DNAH2: variants seen among roughly 807,000 people sequenced by gnomAD.
The protein encoded by DNAH2 is axonemal beta dynein heavy chain 2.
In DNAH2, 323 loss-of-function variants were observed where a neutral mutation model predicts 523.5. That is an observed-to-expected ratio of 0.62 (90% CI 0.56 to 0.68). DNAH2 has a LOEUF of 0.68. Ranked by LOEUF, DNAH2 falls within the 30% of genes least tolerant of loss-of-function variation. The pLI is 0.00. For synonymous variants in DNAH2, 2,093 were observed against 2,177.4 expected (o/e 0.96, Z 1.08); for missense variants, 4,907 against 5,701.5 (o/e 0.86, Z 4.49).
intron 63 of DNAH2, among the ~76,000 whole-genome samples, chr17:7,812,262 T>C (rs1195113808): frequency 6.6e-6 from 1 of 152,300 alleles, no homozygotes; most frequent in East Asian, 1.9e-4. Context: ...GTATACATTC[T>C]TTTCTTAGGG....
At position 7,821,117 on chromosome 17, in the gene DNAH2, G is replaced by C. The variant is rs532905783; in HGVS notation, c.11016-126G>C. On this transcript the variant is annotated intron_variant, in intron 72 of 85. Transcript: ENST00000572933. The surrounding 1 kb of genome is among the most constrained non-coding windows in gnomAD (Gnocchi z 5.0). ...CCTGAGTCCTCAGCTGTTTCCAGGA[G>C]GTTAGGATTAGAGGCTGGTGAGGTC... 1.5e-6 allele frequency: 2 copies of C among 1,344,626 alleles called. No homozygotes were observed. Among genetic ancestry groups the C allele is most frequent in the South Asian group, 3.1e-5 (2 of 63,896 alleles). The allele number at this position is 1,344,626 out of a possible 1,614,324, so 83.3% of individuals were successfully genotyped here. A position where few individuals can be genotyped will look rare whatever the true frequency, so the allele number is the denominator to read the frequency against.
Position 7,780,147 on chromosome 17 carries a change from T to G in DNAH2, c.5723-10T>G, listed in dbSNP as rs768065089. On this transcript the variant is annotated splice_polypyrimidine_tract_variant and intron_variant, in intron 36 of 85. Transcript: ENST00000572933. The surrounding 1 kb of genome is among the most constrained non-coding windows in gnomAD (Gnocchi z 4.4). ...ATATATGATTCTAAGCAAGTGGCAT[T>G]GTTTTCCAGGCTATGCTGGCCGCAC... The G allele has an allele frequency of 2.1e-5, 33 of 1,602,206 alleles. No homozygotes were observed. Among genetic ancestry groups the G allele is most frequent in the Non-Finnish European group, 2.8e-5 (33 of 1,175,316 alleles).
At chr17:7,742,605 A>G (rs2075385011) in intron 11 of DNAH2, among the ~76,000 whole-genome samples, 1 of 152,126 alleles carries the variant, frequency 6.6e-6, no homozygotes, top group Non-Finnish European at 1.5e-5. Flanking sequence ...AAGGGCTGAT[A>G]CTGGTTTTCA....
intron 12 of DNAH2, among the ~76,000 whole-genome samples, chr17:7,744,208 C>T (rs1457733537): frequency 2.7e-5 from 4 of 150,064 alleles, no homozygotes; most frequent in African/African-American, 4.9e-5. Flanking sequence ...GCAGGAAAAT[C>T]GCTTGAACCC....
intron 78 of DNAH2, 65 bp from the exon 79 acceptor site, chr17:7,830,593 A>G (rs2078143457): frequency 1.3e-5 from 21 of 1,608,598 alleles, no homozygotes; most frequent in Non-Finnish European, 1.8e-5. Context: ...CCTGTGTTGA[A>G]GCCCCATTGG....
intron 28 of DNAH2, among the ~76,000 whole-genome samples, chr17:7,772,186 A>G (rs187282024): frequency 2.0e-5 from 3 of 152,246 alleles, no homozygotes; most frequent in Admixed American, 2.0e-4. Context: ...GGCACCTAGA[A>G]TGGGCATCCT....
intron 28 of DNAH2, 150 bp from the exon 29 acceptor site, chr17:7,774,609 A>G (rs4791759): frequency 0.91 from 572,081 of 631,994 alleles, 261,583 homozygotes; most frequent in Non-Finnish European, 0.95. Context: ...CATGTTAGAC[A>G]GTCTGGGGAT....
rs1555540639 is a variant in DNAH2, at chr17:7,741,236, C to CTTTCTT, written c.1689+245_1689+246insTTCTTT. Among the ~76,000 whole-genome samples, 284 of 85,624 alleles carry CTTTCTT rather than the reference C, an allele frequency of 3.3e-3. 10 individuals are homozygous for CTTTCTT. The highest frequency in any genetic ancestry group is 0.012 in the Middle Eastern group (2 of 164). The allele number at this position is 85,624 out of a possible 152,430, so 56.2% of individuals were successfully genotyped here. A position where few individuals can be genotyped will look rare whatever the true frequency, so the allele number is the denominator to read the frequency against. ...TCCTTCCTTTCTTTTTTTTCTCTCT[C>CTTTCTT]TCTTTCTTTCTTTCTTTCTTTCTTT... On this transcript the variant is annotated intron_variant, in intron 11 of 85. Transcript: ENST00000572933.
rs1259705037 is a variant in DNAH2 at position 7,828,685 on chromosome 17, C to T, written c.11854-1615C>T. On this transcript the variant is annotated intron_variant, in intron 77 of 85. Transcript: ENST00000572933. The surrounding 1 kb of genome is among the most constrained non-coding windows in gnomAD (Gnocchi z 4.1). ...TCTCAAACTCCTAGGCTCAAGTGAT[C>T]CTCCCATCTTGGCCTCCCAAAGTGC... is the stretch of plus-strand genomic sequence containing the variant. Among the ~76,000 whole-genome samples the T allele has an allele frequency of 6.6e-6, 1 of 151,998 alleles. No homozygotes were observed. Among genetic ancestry groups the T allele is most frequent in the Non-Finnish European group, 1.5e-5 (1 of 68,026 alleles).
chr17:7,832,947 T>C lies in DNAH2; in HGVS notation c.12978+19T>C, dbSNP rs1291174485. On this transcript the variant is annotated intron_variant, in intron 84 of 85. Coordinates refer to ENST00000572933, the MANE Select transcript of DNAH2 (RefSeq NM_020877.5). The surrounding 1 kb of genome is among the most constrained non-coding windows in gnomAD (Gnocchi z 4.3). ...CCCCAAGGTGGGAGCCAGTTGTGCT[T>C]GGGGCTCTGAGCAAAAGAGGGTACT... 1.2e-6 allele frequency: 2 copies of C among 1,614,098 alleles called. No homozygotes were observed. Among genetic ancestry groups the C allele is most frequent in the Admixed American group, 3.3e-5 (2 of 60,016 alleles).
intron 7 of DNAH2, among the ~76,000 whole-genome samples, chr17:7,736,607 C>T (rs1280130689): frequency 6.6e-6 from 1 of 152,188 alleles, no homozygotes. Flanking sequence ...CTCACAGAGA[C>T]CTGAAATGAT....
At position 7,798,672 on chromosome 17, in the gene DNAH2, G is replaced by A. The variant is rs1218668247; in HGVS notation, c.8513G>A (p.Ser2838Asn). Residue 2838 changes from serine to asparagine, a missense_variant, in exon 55 of 86, where the codon AGC (serine) becomes AAC (asparagine). This residue lies in a region of DNAH2 where 1,851 missense variants were observed against 2,139.4 expected (regional missense o/e 0.87). Transcript: ENST00000572933. The surrounding 1 kb of genome is among the most constrained non-coding windows in gnomAD (Gnocchi z 5.5). Reference protein sequence around the residue: ...SFLEDINNILSSGEVPNLYKP... With the variant: ...SFLEDINNILNSGEVPNLYKP... ...CTAGAGGACATCAACAACATCCTCA[G>A]CTCAGGCGAGGTGCCCAATCTCTAC... is the stretch of plus-strand genomic sequence containing the variant. 1.2e-6 allele frequency: 2 copies of A among 1,614,050 alleles called. No individual in the cohort carries two copies. The highest frequency in any genetic ancestry group is 1.7e-5 in the Admixed American group (1 of 60,020).
Position 7,807,194 on chromosome 17 carries a change from A to T in DNAH2, c.9487A>T (p.Asn3163Tyr). Residue 3163 changes from asparagine (N) to tyrosine (Y), a missense_variant, in exon 62 of 86, where the codon AAT becomes TAT. This residue lies in a region of DNAH2 where 1,851 missense variants were observed against 2,139.4 expected (regional missense o/e 0.87). Coordinates refer to ENST00000572933, the MANE Select transcript of DNAH2 (RefSeq NM_020877.5). This position sits in a 1 kb window ranked among gnomAD's most constrained non-coding sequence, Gnocchi z 5.6. ...GTCACTGATCAACTTTGATAAAGAC[A>T]ATATCTCAGATAAGGTTCTGAAGAA... is the stretch of plus-strand genomic sequence containing the variant. ...IKSLINFDKD[N>Y]ISDKVLKKIG... 6.2e-7 allele frequency: 1 copy of T among 1,612,170 alleles called. No homozygotes were observed.
In DNAH2 at chr17:7,801,658, T is replaced by A; in HGVS notation, c.8780T>A (p.Leu2927His). 2 of 1,614,144 alleles carry A rather than the reference T, an allele frequency of 1.2e-6. No homozygotes were observed. Among genetic ancestry groups the A allele is most frequent in the South Asian group, 1.1e-5 (1 of 91,080 alleles). Residue 2927 changes from leucine to histidine, a missense_variant, in exon 57 of 86, where the codon CTC becomes CAC. Physicochemically the swap from Leu to His is moderately conservative, Grantham distance 99. Around this residue, in one of 3 missense-constraint regions of DNAH2, gnomAD observed 1,851 missense variants for 2,139.4 expected, o/e 0.87. Coordinates refer to ENST00000572933, the MANE Select transcript of DNAH2 (RefSeq NM_020877.5). ...TCAGAGTGGCCCCAAGAGGCCCTGC[T>A]CGAGGTGGCTGAGAAGTGCCTCATA... ...WFSEWPQEAL[L>H]EVAEKCLIGV...
intron 63 of DNAH2, 103 bp from the exon 64 acceptor site, chr17:7,816,468 A>AAGCTACAAAATGGC: frequency 1.5e-6 from 2 of 1,358,350 alleles, no homozygotes; most frequent in Non-Finnish European, 2.0e-6. Flanking sequence ...TAATTTAACA[A>AAGCTACAAAATGGC]AGCTACAAAA....
At chr17:7,810,874 G>C (rs2077498598) in intron 63 of DNAH2, among the ~76,000 whole-genome samples, 1 of 148,686 alleles carries the variant, frequency 6.7e-6, no homozygotes, top group Non-Finnish European at 1.5e-5. Flanking sequence ...GAGGCTCAGA[G>C]CCCAACTACA....
chr17:7,731,368 G>A (rs914259342), intron 4 of DNAH2, among the ~76,000 whole-genome samples: 2 of 151,778 alleles, frequency 1.3e-5, no homozygotes, highest in African/African-American at 4.8e-5. Context: ...ACCATAGAAA[G>A]GGATCCTTTG....
chr17:7,768,329 G>A, intron 24 of DNAH2, 62 bp downstream of exon 24: 1 of 1,553,000 alleles, frequency 6.4e-7, no homozygotes. Context: ...CCACCACTTG[G>A]TCCCTCCCAT....
At chr17:7,723,166 T>C (rs1387342131) in intron 2 of DNAH2, among the ~76,000 whole-genome samples, 1 of 151,240 alleles carries the variant, frequency 6.6e-6, no homozygotes, top group Admixed American at 6.6e-5. Flanking sequence ...GAGACGGGGT[T>C]TCACCGTATT....
Sources: allele counts gnomAD v4.1 joint callset (sites outside exome capture counted in the v4.1 genomes callset), GRCh38; gene constraint gnomAD v4.1.1; regional missense constraint gnomAD v4.1.1; non-coding constraint Gnocchi (gnomAD v3.1); transcripts MANE v1.5; gene names NCBI Gene and HGNC (gene_info 2026-07-23, HGNC 2026-07-21).